FIRRM: variants seen among roughly 807,000 people sequenced by gnomAD.
FIRRM encodes the protein FIGNL1 interacting regulator of recombination and mitosis.
the FIRRM span, among the ~76,000 whole-genome samples, chr1:169,809,088 C>T: frequency 1.3e-5 from 2 of 152,212 alleles, no homozygotes; most frequent in South Asian, 2.1e-4. Context: ...GTAGCAACTC[C>T]TAGGGCAGGG....
the FIRRM span, chr1:169,792,812 G>A: frequency 6.2e-7 from 1 of 1,613,558 alleles, no homozygotes; most frequent in East Asian, 2.2e-5. Flanking sequence ...GTTGTAAATG[G>A]TTTCTGAGGT....
chr1:169,803,358 TA>T, the FIRRM span: 4 of 1,533,700 alleles, frequency 2.6e-6, no homozygotes, highest in Non-Finnish European at 2.7e-6. Flanking sequence ...TCAATGTGCA[TA>T]GGGGCTGAGT....
the FIRRM span, chr1:169,821,685 G>A: frequency 6.2e-7 from 1 of 1,607,636 alleles, no homozygotes; most frequent in Non-Finnish European, 8.5e-7. Flanking sequence ...TCAGGATAAT[G>A]CTGACTACAG....
chr1:169,830,333 C>T, the FIRRM span: 1 of 1,613,612 alleles, frequency 6.2e-7, no homozygotes, highest in Non-Finnish European at 8.5e-7. Context: ...CATGGTGCTT[C>T]CTTGCTCGGT....
At chr1:169,853,204 A>G in the FIRRM span, 3 of 565,934 alleles carry the variant, frequency 5.3e-6, no homozygotes, top group East Asian at 8.9e-5. Context: ...GCCTAGGTCC[A>G]CAAAGAACCA....
chr1:169,819,523 A>G, the FIRRM span, among the ~76,000 whole-genome samples: 1 of 152,226 alleles, frequency 6.6e-6, no homozygotes, highest in African/African-American at 2.4e-5. Flanking sequence ...AGAGGGATCT[A>G]TCCACTTTTA....
chr1:169,832,407 C>A, the FIRRM span: 2 of 1,599,082 alleles, frequency 1.3e-6, no homozygotes, highest in African/African-American at 2.7e-5. Flanking sequence ...TCTCTCATGT[C>A]TTTTTCCAGA....
chr1:169,795,782 CTTCT>C, the FIRRM span: 3,777 of 985,318 alleles, frequency 3.8e-3, 113 homozygotes, highest in African/African-American at 0.06. Flanking sequence ...ACCTCTTTTT[CTTCT>C]TTCTTTCTTT....
chr1:169,793,028 A>G, the FIRRM span: 5 of 1,614,040 alleles, frequency 3.1e-6, no homozygotes, highest in South Asian at 3.3e-5. Flanking sequence ...TACTTCATCA[A>G]TCACCATACT....
At chr1:169,849,563 C>T in the FIRRM span, 2 of 1,613,894 alleles carry the variant, frequency 1.2e-6, no homozygotes, top group Admixed American at 1.7e-5. Context: ...GAGTTGGCTG[C>T]TAGAACAACA....
At chr1:169,853,535 T>A in the FIRRM span, 1 of 641,298 alleles carries the variant, frequency 1.6e-6, no homozygotes, top group Non-Finnish European at 2.7e-6. Context: ...ACCCAGGGCT[T>A]TTAGCCAGCA....
the FIRRM span, chr1:169,829,247 C>T: frequency 6.6e-7 from 1 of 1,519,364 alleles, no homozygotes; most frequent in Non-Finnish European, 8.8e-7. Flanking sequence ...GTTCAATGTT[C>T]TCAATTTCCC....
At chr1:169,810,093 T>G in the FIRRM span, among the ~76,000 whole-genome samples, 1 of 151,934 alleles carries the variant, frequency 6.6e-6, no homozygotes, top group Non-Finnish European at 1.5e-5. Context: ...GCAAGACAGC[T>G]CCCTTCAACC....
the FIRRM span, among the ~76,000 whole-genome samples, chr1:169,847,490 T>C: frequency 6.6e-6 from 1 of 152,126 alleles, no homozygotes; most frequent in East Asian, 1.9e-4. Flanking sequence ...GTAAGAATAA[T>C]GCTTTAACTG....
the FIRRM span, among the ~76,000 whole-genome samples, chr1:169,801,485 T>C: frequency 6.8e-6 from 1 of 147,878 alleles, no homozygotes; most frequent in African/African-American, 2.5e-5. Context: ...TATTTTCAGA[T>C]TGTGTGGTTC....
chr1:169,791,501 C>T, the FIRRM span, among the ~76,000 whole-genome samples: 1 of 152,018 alleles, frequency 6.6e-6, no homozygotes, highest in Admixed American at 6.6e-5. Flanking sequence ...ATTTTAAAGC[C>T]TTCAGATGCT....
the FIRRM span, among the ~76,000 whole-genome samples, chr1:169,812,654 C>T: frequency 1.3e-5 from 2 of 151,938 alleles, no homozygotes; most frequent in Non-Finnish European, 2.9e-5. Flanking sequence ...GCTAGGAGTT[C>T]GAGACCAGGC....
At chr1:169,791,254 T>C in the FIRRM span, among the ~76,000 whole-genome samples, 1 of 152,240 alleles carries the variant, frequency 6.6e-6, no homozygotes, top group Non-Finnish European at 1.5e-5. Context: ...CATCTGTATG[T>C]GTATCTGATG....
chr1:169,792,691 A>G, the FIRRM span: 1 of 1,613,242 alleles, frequency 6.2e-7, no homozygotes, highest in Non-Finnish European at 8.5e-7. Flanking sequence ...TCTGAAAGAG[A>G]TGAACACCTC....
Sources: gnomAD v4.1 joint callset for allele counts (sites outside exome capture counted in the v4.1 genomes callset) on GRCh38, gnomAD v4.1.1 for gene constraint, MANE v1.5 for transcripts, NCBI Gene and HGNC (gene_info 2026-07-23, HGNC 2026-07-21) for gene names.